LAMA2: variants seen among roughly 807,000 people sequenced by gnomAD.
LAMA2 encodes the protein laminin subunit alpha-2.
In LAMA2, 269 loss-of-function variants were observed where a neutral mutation model predicts 364.8. The ratio of observed to expected loss-of-function variants is 0.74; its 90% CI spans 0.67 to 0.82. LAMA2 has a LOEUF of 0.82. Ranked by LOEUF, LAMA2 falls within the 40% of genes least tolerant of loss-of-function variation. LAMA2 has a pLI of 0.00. For synonymous variants in LAMA2, 1,379 were observed against 1,370.6 expected, an observed-to-expected ratio of 1.01 and a Z score of -0.14; for missense variants, 3,807 against 3,873.2, an observed-to-expected ratio of 0.98 and a Z score of 0.45.
At chr6:129,048,468 C>A (rs1362016044) in intron 1 of LAMA2, among the ~76,000 whole-genome samples, 19 of 46,302 alleles carry the variant, frequency 4.1e-4, no homozygotes, top group African/African-American at 1.2e-3. Context: ...TTCTTTCTTT[C>A]TTTCTTTCTT....
chr6:128,892,726 A>G (rs892660017), intron 1 of LAMA2, among the ~76,000 whole-genome samples: 2 of 151,936 alleles, frequency 1.3e-5, no homozygotes, highest in African/African-American at 2.4e-5. Flanking sequence ...CCTAATTACT[A>G]TAGTAAAAAA....
chr6:129,291,598 T>C lies in LAMA2; in HGVS notation c.2750-16T>C. On this transcript the variant is annotated splice_polypyrimidine_tract_variant and intron_variant, in intron 19 of 64. Coordinates refer to ENST00000421865, the MANE Select transcript of LAMA2 (RefSeq NM_000426.4). ...TAGAAAGTTTTCCTGATCACAGGTC[T>C]CTCTTCTCTTTGCAGCCTGTCGCTG... is the stretch of plus-strand genomic sequence containing the variant. The C allele has an allele frequency of 6.3e-7, 1 of 1,595,526 alleles. No individual in the cohort carries two copies. The highest frequency in any genetic ancestry group is 8.6e-7 in the Non-Finnish European group (1 of 1,163,342).
rs1331546051 is a variant in LAMA2, at chr6:129,486,547, A to G, written c.7823A>G (p.Lys2608Arg). Residue 2608 changes from lysine (K) to arginine (R), a missense_variant, in exon 56 of 65, where the codon AAA becomes AGA. This residue lies in a region of LAMA2 where 3,333 missense variants were observed against 3,345.7 expected (regional missense o/e 1.00). Transcript: ENST00000421865. ...TCCACAGGGGCACGAACAATGAGGA[A>G]AATTGTGATCAGACCAGAGCCGAAT... ...HLSTGARTMR[K>R]IVIRPEPNLF... 1 of 1,614,024 alleles carries G rather than the reference A, an allele frequency of 6.2e-7. No homozygotes were observed. Among genetic ancestry groups the G allele is most frequent in the Non-Finnish European group, 8.5e-7 (1 of 1,179,914 alleles).
At chr6:128,961,865 A>G (rs1361957536) in intron 1 of LAMA2, among the ~76,000 whole-genome samples, 1 of 151,890 alleles carries the variant, frequency 6.6e-6, no homozygotes, top group Non-Finnish European at 1.5e-5. Context: ...AACGAGGTTT[A>G]TAGGGTTGGC....
intron 4 of LAMA2, among the ~76,000 whole-genome samples, chr6:129,117,779 A>G (rs995662915): frequency 6.6e-5 from 10 of 152,166 alleles, no homozygotes; most frequent in Non-Finnish European, 1.3e-4. Context: ...ACCTCATGCA[A>G]TGTACACTCT....
chr6:129,205,247 C>T (rs958259357), intron 12 of LAMA2, among the ~76,000 whole-genome samples: 1 of 151,580 alleles, frequency 6.6e-6, no homozygotes, highest in African/African-American at 2.4e-5. Flanking sequence ...AAAAAATTAG[C>T]TGGACCTAGT....
intron 3 of LAMA2, among the ~76,000 whole-genome samples, chr6:129,079,068 A>G (rs1215756709): frequency 2.0e-5 from 3 of 152,282 alleles, no homozygotes; most frequent in Non-Finnish European, 4.4e-5. Flanking sequence ...CCATTAATCC[A>G]TTGATGAACA....
chr6:129,398,634 C>A (rs1421380664), intron 37 of LAMA2, among the ~76,000 whole-genome samples: 1 of 151,834 alleles, frequency 6.6e-6, no homozygotes, highest in Non-Finnish European at 1.5e-5. Context: ...ACCACCACAC[C>A]CAGCTAATTT....
chr6:129,077,630 G>A (rs548869927), intron 3 of LAMA2, among the ~76,000 whole-genome samples: 2 of 152,194 alleles, frequency 1.3e-5, no homozygotes, highest in South Asian at 2.1e-4. Flanking sequence ...TATTTTGTTC[G>A]AATATGTATT....
In LAMA2 at chr6:129,452,981, T is replaced by C. The variant is rs1782759311; in HGVS notation, c.6430-7T>C. On this transcript the variant is annotated splice_polypyrimidine_tract_variant and splice_region_variant and intron_variant, in intron 45 of 64. Transcript: ENST00000421865. ...TCTTGGTTCTTTGTATCTTGTTTTT[T>C]TTAAAGATCAAAGTATCTGTGTCTT... 6.2e-7 allele frequency: 1 copy of C among 1,611,638 alleles called. No homozygotes were observed. Among genetic ancestry groups the C allele is most frequent in the Non-Finnish European group, 8.5e-7 (1 of 1,178,604 alleles).
intron 64 of LAMA2, among the ~76,000 whole-genome samples, chr6:129,514,809 G>A (rs918091550): frequency 2.6e-5 from 4 of 152,134 alleles, no homozygotes; most frequent in Non-Finnish European, 5.9e-5. Flanking sequence ...CTTTTCATGA[G>A]AGCCCCCAAA....
intron 34 of LAMA2, 119 bp from the exon 35 acceptor site, chr6:129,383,003 T>C: frequency 1.3e-6 from 1 of 764,010 alleles, no homozygotes. Context: ...TGATCAATAA[T>C]TCATCGATTG....
intron 45 of LAMA2, among the ~76,000 whole-genome samples, chr6:129,450,140 A>G (rs933370256): frequency 6.8e-6 from 1 of 147,322 alleles, no homozygotes. Context: ...TTTTCAACAC[A>G]CTAATCATGG....
intron 1 of LAMA2, among the ~76,000 whole-genome samples, chr6:129,013,876 T>C (rs1020404026): frequency 6.6e-6 from 1 of 152,014 alleles, no homozygotes; most frequent in African/African-American, 2.4e-5. Context: ...CCCATTATAA[T>C]GGCAGCTTGG....
chr6:129,047,268 A>G (rs1787583422), intron 1 of LAMA2, among the ~76,000 whole-genome samples: 1 of 152,224 alleles, frequency 6.6e-6, no homozygotes, highest in Non-Finnish European at 1.5e-5. Flanking sequence ...GAAATAAATA[A>G]TACTTTATGA....
At chr6:128,997,981 A>G (rs1784098096) in intron 1 of LAMA2, among the ~76,000 whole-genome samples, 1 of 152,048 alleles carries the variant, frequency 6.6e-6, no homozygotes, top group Non-Finnish European at 1.5e-5. Flanking sequence ...ATCAAGGAGA[A>G]GGTGATGGAT....
intron 3 of LAMA2, among the ~76,000 whole-genome samples, chr6:129,067,120 G>A (rs903191032): frequency 1.3e-5 from 2 of 152,158 alleles, no homozygotes; most frequent in African/African-American, 4.8e-5. Context: ...AATCAACATG[G>A]CTGCTCTTCA....
intron 62 of LAMA2, among the ~76,000 whole-genome samples, chr6:129,509,268 G>A (rs538105469): frequency 2.0e-4 from 30 of 152,196 alleles, no homozygotes; most frequent in African/African-American, 7.2e-4. Context: ...CTTCTCAGAT[G>A]GGTAGTTTGC....
At chr6:129,250,865 T>G (rs927759247) in intron 13 of LAMA2, among the ~76,000 whole-genome samples, 1 of 152,006 alleles carries the variant, frequency 6.6e-6, no homozygotes, top group Non-Finnish European at 1.5e-5. Context: ...TCCAAATGGG[T>G]AGATGTTAAT....
Sources: gnomAD v4.1 joint callset for allele counts (sites outside exome capture counted in the v4.1 genomes callset) on GRCh38, gnomAD v4.1.1 for gene constraint, gnomAD v4.1.1 regional missense constraint, MANE v1.5 for transcripts, NCBI Gene and HGNC (gene_info 2026-07-23, HGNC 2026-07-21) for gene names.